Variants in CACNA1C observed in about 807,000 individuals in gnomAD.
CACNA1C encodes voltage-dependent L-type calcium channel subunit alpha-1C.
A neutral mutation model predicts 229.0 loss-of-function variants in CACNA1C; 30 were observed. The ratio of observed to expected loss-of-function variants is 0.13; its 90% CI spans 0.10 to 0.18. CACNA1C has a LOEUF of 0.18. Among genes scored for constraint, CACNA1C ranks in the 10% least tolerant of loss-of-function variants. CACNA1C has a pLI of 1.00. For synonymous variants in CACNA1C, 1,114 were observed against 1,132.5 expected (o/e 0.98, Z 0.33); for missense variants, 1,658 against 2,845.0 (o/e 0.58, Z 9.49).
At chr12:2,412,646 A>G (rs17223841) in intron 3 of CACNA1C, among the ~76,000 whole-genome samples, 51,956 of 152,156 alleles carry the variant, frequency 0.34, 9,272 homozygotes, top group Admixed American at 0.47. Context: ...TGCTCAGTAA[A>G]TCATCTCACT....
chr12:2,375,321 G>A (rs925544088), intron 3 of CACNA1C, among the ~76,000 whole-genome samples: 4 of 152,192 alleles, frequency 2.6e-5, no homozygotes, highest in African/African-American at 9.7e-5. Context: ...GCTTGCTTGG[G>A]GTTCTGATGA....
At chr12:2,255,014 A>G (rs1266530941) in intron 3 of CACNA1C, among the ~76,000 whole-genome samples, 1 of 152,156 alleles carries the variant, frequency 6.6e-6, no homozygotes, top group East Asian at 1.9e-4. Flanking sequence ...ACAGCCTTAA[A>G]TGGAAGCAGC....
At position 2,176,988 on chromosome 12, in the gene CACNA1C, C is replaced by T. The variant is rs3794298; in HGVS notation, c.477+56558C>T. Among the ~76,000 whole-genome samples the T allele has an allele frequency of 9.8e-5, 15 of 152,304 alleles. No individual in the cohort carries two copies. In the East Asian group the frequency reaches 2.9e-3, roughly 29 times the overall value. On this transcript the variant is annotated intron_variant, in intron 3 of 46. Coordinates refer to ENST00000399655, the MANE Select transcript of CACNA1C (RefSeq NM_000719.7). ...TCGGCCATCAGTCTACGGAGGGTGA[C>T]CCCTCCACCCATGGCCAGGTCGGCT...
intron 1 of CACNA1C, chr12:2,004,455 C>G: frequency 1.9e-6 from 3 of 1,593,344 alleles, no homozygotes; most frequent in Non-Finnish European, 2.6e-6. Flanking sequence ...CAGACATAGG[C>G]ACGGGGCTCT....
Position 2,310,097 on chromosome 12 carries a change from A to T in CACNA1C, c.478-138879A>T, listed in dbSNP as rs11062184. 0.021 allele frequency among the ~76,000 whole-genome samples: 3,253 copies of T among 152,232 alleles called. 202 individuals carry two copies. In the East Asian group the frequency reaches 0.24, roughly 11 times the overall value. ...TGCTCAGCTCACTGGTTGGCTACGA[A>T]GCGGAACACTTGCCATACAAAGCCC... On this transcript the variant is annotated intron_variant, in intron 3 of 46. Transcript: ENST00000399655.
chr12:2,306,783 A>G (rs1417061150), intron 3 of CACNA1C, among the ~76,000 whole-genome samples: 1 of 152,220 alleles, frequency 6.6e-6, no homozygotes, highest in African/African-American at 2.4e-5. Flanking sequence ...AGGATCTTTG[A>G]TATGCAAATG....
Position 2,004,395 on chromosome 12 carries a change from C to T in CACNA1C, c.139+33194C>T, listed in dbSNP as rs867410840. ...AGGGCCGCTAGGCTGATGTCGCGCCCCTTTCCCACCAGGCCGCCTGCCGCC... is the reference window on the plus strand; with the variant it reads ...AGGGCCGCTAGGCTGATGTCGCGCCTCTTTCCCACCAGGCCGCCTGCCGCC... On this transcript the variant is annotated intron_variant, in intron 1 of 46. Transcript: ENST00000682462. 5 of 1,612,320 alleles carry T rather than the reference C, an allele frequency of 3.1e-6. No individual in the cohort carries two copies. The Middle Eastern group carries it at 6.8e-4, about 218-fold the overall frequency.
At chr12:2,166,666 A>G (rs1396372759) in intron 3 of CACNA1C, among the ~76,000 whole-genome samples, 1 of 152,248 alleles carries the variant, frequency 6.6e-6, no homozygotes, top group Non-Finnish European at 1.5e-5. Context: ...TAGGAGGACT[A>G]AATGGGTTAG....
chr12:2,102,591 T>A (rs1288136596), intron 1 of CACNA1C, among the ~76,000 whole-genome samples: 3 of 152,164 alleles, frequency 2.0e-5, no homozygotes, highest in Non-Finnish European at 4.4e-5. Context: ...TATTTTTTAT[T>A]TTTTTTAATT....
intron 3 of CACNA1C, among the ~76,000 whole-genome samples, chr12:2,136,632 C>A (rs1410312322): frequency 6.6e-6 from 1 of 151,238 alleles, no homozygotes; most frequent in Non-Finnish European, 1.5e-5. Context: ...GAGTGAACGT[C>A]CCCAGGCTGG....
intron 5 of CACNA1C, among the ~76,000 whole-genome samples, chr12:2,466,793 G>A (rs1298847766): frequency 6.6e-6 from 1 of 152,056 alleles, no homozygotes; most frequent in Non-Finnish European, 1.5e-5. Context: ...GGCCTGGACT[G>A]GCTGGCCTCT....
chr12:2,608,427 G>A lies in CACNA1C; in HGVS notation c.3357-84G>A. On this transcript the variant is annotated intron_variant, in intron 26 of 46. Coordinates refer to ENST00000399655, the MANE Select transcript of CACNA1C (RefSeq NM_000719.7). This position sits in a 1 kb window ranked among gnomAD's most constrained non-coding sequence, Gnocchi z 4.2. ...CTGTCTCCTGCACCCTGATCCCTGG[G>A]ATCCCTGGAGCAGTGGTGCCGTCCT... is the stretch of plus-strand genomic sequence containing the variant. The A allele has an allele frequency of 1.9e-6, 2 of 1,029,164 alleles. No homozygotes were observed. Among genetic ancestry groups the A allele is most frequent in the Non-Finnish European group, 2.8e-6 (2 of 705,128 alleles). 63.8% of individuals were successfully genotyped at this position (1,029,164 alleles called of 1,614,324 possible).
intron 3 of CACNA1C, among the ~76,000 whole-genome samples, chr12:2,435,066 C>A (rs1048625250): frequency 1.3e-5 from 2 of 152,180 alleles, no homozygotes; most frequent in African/African-American, 4.8e-5. Context: ...GGAGTTTAGA[C>A]CTCACCTGCC....
intron 3 of CACNA1C, among the ~76,000 whole-genome samples, chr12:2,151,503 A>AGTCTT (rs2095264598): frequency 6.6e-6 from 1 of 152,162 alleles, no homozygotes; most frequent in Non-Finnish European, 1.5e-5. Context: ...GCAACTCTGC[A>AGTCTT]CAGAAGACTC....
At chr12:1,977,463 T>C (rs2034773216) in intron 1 of CACNA1C, among the ~76,000 whole-genome samples, 1 of 152,252 alleles carries the variant, frequency 6.6e-6, no homozygotes, top group Non-Finnish European at 1.5e-5. Flanking sequence ...ATGTTCCAGA[T>C]GCCACACAAA....
intron 1 of CACNA1C, among the ~76,000 whole-genome samples, chr12:1,998,446 G>T (rs987068557): frequency 3.7e-4 from 57 of 152,264 alleles, no homozygotes; most frequent in Middle Eastern, 3.4e-3. Flanking sequence ...CAGATGATCT[G>T]TCAATAACTT....
At chr12:2,065,929 GA>G (rs2059114238) in intron 1 of CACNA1C, among the ~76,000 whole-genome samples, 1 of 152,124 alleles carries the variant, frequency 6.6e-6, no homozygotes, top group African/African-American at 2.4e-5. Context: ...GCAGGAAGGG[GA>G]TAATGCGTGG....
intron 3 of CACNA1C, among the ~76,000 whole-genome samples, chr12:2,310,733 A>C (rs770198541): frequency 6.6e-6 from 1 of 152,208 alleles, no homozygotes; most frequent in Non-Finnish European, 1.5e-5. Context: ...TGTGGGCACC[A>C]GTTCTCTGGG....
chr12:2,192,151 A>C (rs989030215), intron 3 of CACNA1C, among the ~76,000 whole-genome samples: 7 of 152,066 alleles, frequency 4.6e-5, no homozygotes, highest in African/African-American at 1.4e-4. Context: ...TTCAGCCTGC[A>C]CTCAAGTTTT....
Sources: gnomAD v4.1 joint callset for allele counts (sites outside exome capture counted in the v4.1 genomes callset) on GRCh38, gnomAD v4.1.1 for gene constraint, Gnocchi (gnomAD v3.1) non-coding constraint, MANE v1.5 for transcripts, NCBI Gene and HGNC (gene_info 2026-07-23, HGNC 2026-07-21) for gene names.